The following ADAM29 variants were observed in gnomAD, a reference collection of about 807,000 sequenced individuals.
The protein encoded by ADAM29 is ADAM metallopeptidase domain 29.
For missense variants in ADAM29, 969 were observed against 1,001.8 expected (o/e 0.97, Z 0.44); for synonymous variants, 367 against 342.3 (o/e 1.07, Z -0.80).
chr4:174,975,481 A>C lies in ADAM29; in HGVS notation c.-45A>C. On this transcript the variant is annotated 5_prime_UTR_variant, in exon 5 of 5. Transcript: ENST00000359240. ...ACTTCTGCTCTGGACCAGTGTTTCCATAACAGGGACTTCAAAATCACTGTG... is the reference window on the plus strand; with the variant it reads ...ACTTCTGCTCTGGACCAGTGTTTCCCTAACAGGGACTTCAAAATCACTGTG... The C allele has an allele frequency of 6.7e-7, 1 of 1,493,902 alleles. No individual in the cohort carries two copies. Among genetic ancestry groups the C allele is most frequent in the South Asian group, 1.4e-5 (1 of 70,124 alleles). 92.5% of individuals were successfully genotyped at this position (1,493,902 alleles called of 1,614,324 possible). A position where few individuals can be genotyped will look rare whatever the true frequency, so the allele number is the denominator to read the frequency against.
rs114300475 is a variant in ADAM29, at chr4:174,927,654, C to A, written c.-450-3332C>A. Among the ~76,000 whole-genome samples the A allele has an allele frequency of 9.8e-3, 1,492 of 152,218 alleles. 28 individuals carry two copies. The highest frequency in any genetic ancestry group is 0.034 in the African/African-American group (1,409 of 41,522). The stretch of plus-strand genomic sequence containing the variant: ...TTTTGTCTGTTGATCTTGTAACCTG[C>A]AGCCTTGGTGAACTCACTTATTGGT... On this transcript the variant is annotated intron_variant, in intron 2 of 4. Coordinates refer to ENST00000359240, the MANE Select transcript of ADAM29 (RefSeq NM_014269.4).
At chr4:174,922,768 T>A (rs1394271888) in intron 2 of ADAM29, among the ~76,000 whole-genome samples, 1 of 152,094 alleles carries the variant, frequency 6.6e-6, no homozygotes, top group Admixed American at 6.5e-5. Context: ...ATCCCCCCAC[T>A]ATCACATTCT....
intron 4 of ADAM29, among the ~76,000 whole-genome samples, chr4:174,974,671 G>C (rs1388148914): frequency 6.6e-6 from 1 of 152,162 alleles, no homozygotes; most frequent in Non-Finnish European, 1.5e-5. Context: ...TCAGCTTCAA[G>C]TCAACCATTA....
At chr4:174,953,858 C>A (rs983230981) in intron 4 of ADAM29, among the ~76,000 whole-genome samples, 1 of 152,040 alleles carries the variant, frequency 6.6e-6, no homozygotes, top group African/African-American at 2.4e-5. Context: ...TATAGGCATG[C>A]ACCACCATGC....
At chr4:174,946,708 T>A (rs186970820) in intron 4 of ADAM29, among the ~76,000 whole-genome samples, 292 of 152,220 alleles carry the variant, frequency 1.9e-3, no homozygotes, top group African/African-American at 6.6e-3. Context: ...TGAAGTTTTC[T>A]TTTTTTGTGG....
intron 4 of ADAM29, among the ~76,000 whole-genome samples, chr4:174,942,702 G>A (rs1462726708): frequency 1.3e-5 from 2 of 152,120 alleles, no homozygotes; most frequent in African/African-American, 4.8e-5. Flanking sequence ...GAGGATCTCT[G>A]AAATGCCCTG....
At chr4:174,960,059 A>G (rs1433244734) in intron 4 of ADAM29, among the ~76,000 whole-genome samples, 1 of 152,038 alleles carries the variant, frequency 6.6e-6, no homozygotes, top group East Asian at 1.9e-4. Context: ...AAATAAACTT[A>G]TCATTTCACC....
chr4:174,977,426 G>T lies in ADAM29; in HGVS notation c.1901G>T (p.Gly634Val). The change falls in exon 5 of 5, where the codon GGC becomes GTC. Residue 634 changes from glycine to valine, a missense_variant. By Grantham distance (109) the Gly-to-Val change is moderately radical. Coordinates refer to ENST00000359240, the MANE Select transcript of ADAM29 (RefSeq NM_014269.4). ...TCACCTGCATTTTGTAACAAGAGGGGCATCTGCAACAATAAACATCACTGC... is the reference window on the plus strand; with the variant it reads ...TCACCTGCATTTTGTAACAAGAGGGTCATCTGCAACAATAAACATCACTGC... The part of the protein sequence containing the change: ...NCSPAFCNKR[G>V]ICNNKHHCHC... The T allele has an allele frequency of 1.2e-6, 2 of 1,613,808 alleles. No homozygotes were observed. The highest frequency in any genetic ancestry group is 4.5e-5 in the East Asian group (2 of 44,868).
At chr4:174,952,350 CCACA>C (rs70947476) in intron 4 of ADAM29, among the ~76,000 whole-genome samples, 4,698 of 144,882 alleles carry the variant, frequency 0.032, 171 homozygotes, top group African/African-American at 0.092. Context: ...AGTGCAATAA[CCACA>C]CACACACACA....
intron 4 of ADAM29, among the ~76,000 whole-genome samples, chr4:174,962,127 T>A (rs1417287715): frequency 6.6e-6 from 1 of 152,178 alleles, no homozygotes; most frequent in African/African-American, 2.4e-5. Context: ...TGCATAAACT[T>A]TTAAAGTAAA....
chr4:174,935,716 T>G (rs1404128153), intron 3 of ADAM29, among the ~76,000 whole-genome samples: 2 of 152,094 alleles, frequency 1.3e-5, no homozygotes, highest in African/African-American at 4.8e-5. Context: ...CTTCAAATAC[T>G]TAACACAGTA....
At chr4:174,928,291 T>G (rs1743632264) in intron 2 of ADAM29, among the ~76,000 whole-genome samples, 2 of 151,302 alleles carry the variant, frequency 1.3e-5, no homozygotes, top group Admixed American at 1.3e-4. Flanking sequence ...AGGGTCAGGG[T>G]GGGGGAGCTG....
At position 174,976,094 on chromosome 4, in the gene ADAM29, A is replaced by G. The variant is rs1029774650; in HGVS notation, c.569A>G (p.Tyr190Cys). The G allele has an allele frequency of 6.2e-7, 1 of 1,612,318 alleles. No individual in the cohort carries two copies. Among genetic ancestry groups the G allele is most frequent in the East Asian group, 2.2e-5 (1 of 44,886 alleles). The part of the protein sequence containing the change: ...IDNSTQKQSS[Y>C]VGWWIHFRIV... Reference sequence around the variant, plus strand: ...AATTCCACTCAGAAGCAAAGTTCTTATGTGGGCTGGTGGATCCATTTTAGG... The same window carrying G: ...AATTCCACTCAGAAGCAAAGTTCTTGTGTGGGCTGGTGGATCCATTTTAGG... The change falls in exon 5 of 5, where the codon TAT (tyrosine) becomes TGT (cysteine). Residue 190 changes from tyrosine (Y) to cysteine (C), a missense_variant. By Grantham distance (194) the Tyr-to-Cys change is radical (BLOSUM62 -2). Transcript: ENST00000359240.
intron 2 of ADAM29, among the ~76,000 whole-genome samples, chr4:174,924,531 T>C (rs1743376433): frequency 6.6e-6 from 1 of 152,232 alleles, no homozygotes; most frequent in Non-Finnish European, 1.5e-5. Context: ...GCAGCTTTAT[T>C]CATAATCATC....
At position 174,961,621 on chromosome 4, in the gene ADAM29, T is replaced by A. The variant is rs191207088; in HGVS notation, c.-180-13725T>A. ...CATTTCTCGTTATTACTACATTAGA[T>A]ACATTCCAAATTTAAAACAAACATA... On this transcript the variant is annotated intron_variant, in intron 4 of 4. Coordinates refer to ENST00000359240, the MANE Select transcript of ADAM29 (RefSeq NM_014269.4). Among the ~76,000 whole-genome samples, 21 of 152,210 alleles carry A rather than the reference T, an allele frequency of 1.4e-4. No homozygotes were observed. The East Asian group carries it at 3.5e-3, about 25-fold the overall frequency.
intron 2 of ADAM29, among the ~76,000 whole-genome samples, chr4:174,928,927 G>A (rs1743685025): frequency 1.3e-5 from 2 of 152,104 alleles, no homozygotes. Flanking sequence ...AAGCTGCAGC[G>A]AAAGAATTTA....
chr4:174,975,705 C>T lies in ADAM29; in HGVS notation c.180C>T (p.Gly60=). 6.2e-7 allele frequency: 1 copy of T among 1,611,124 alleles called. No homozygotes were observed. The highest frequency in any genetic ancestry group is 8.5e-7 in the Non-Finnish European group (1 of 1,178,760). ...GWLSYILPFG[G]QKHIIHIKVK... is the part of the protein sequence containing the mutation. The stretch of plus-strand genomic sequence containing the variant: ...TCTCCTATATCCTGCCCTTTGGAGG[C>T]CAGAAACACATTATCCACATAAAGG... The change falls in exon 5 of 5, where the codon GGC becomes GGT. Residue 60 remains glycine, a synonymous_variant. Transcript: ENST00000359240.
intron 2 of ADAM29, among the ~76,000 whole-genome samples, chr4:174,923,503 C>T (rs1699845723): frequency 7.6e-6 from 1 of 131,622 alleles, no homozygotes; most frequent in Middle Eastern, 4.9e-3. Context: ...GTGCATCATC[C>T]CCTATATACT....
In ADAM29 at chr4:174,930,090, G is replaced by A. The variant is rs1743772516; in HGVS notation, c.-450-896G>A. Reference sequence around the variant, plus strand: ...ACTACAGGCGCCTGCCACCATGCCCGGCTCATTTTTTGTATTTTTAGTAGA... The same window carrying A: ...ACTACAGGCGCCTGCCACCATGCCCAGCTCATTTTTTGTATTTTTAGTAGA... On this transcript the variant is annotated intron_variant, in intron 2 of 4. Transcript: ENST00000359240. Among the ~76,000 whole-genome samples, 4 of 152,068 alleles carry A rather than the reference G, an allele frequency of 2.6e-5. 1 individual carries two copies. The South Asian group carries it at 6.2e-4, about 24-fold the overall frequency.
Sources: gnomAD v4.1 joint callset for allele counts (sites outside exome capture counted in the v4.1 genomes callset) on GRCh38, gnomAD v4.1.1 for gene constraint, MANE v1.5 for transcripts, NCBI Gene and HGNC (gene_info 2026-07-23, HGNC 2026-07-21) for gene names.